TUFT1: variants seen among roughly 807,000 people sequenced by gnomAD.
The protein encoded by TUFT1 is tuftelin 1, also known as tuftelin.
Under a neutral mutation model 57.8 loss-of-function variants are expected in TUFT1, and 43 were observed. The ratio of observed to expected loss-of-function variants is 0.74; its 90% CI spans 0.58 to 0.96. The LOEUF (loss-of-function observed/expected upper bound fraction) is 0.96. Among genes scored for constraint, TUFT1 ranks in the 40% least tolerant of loss-of-function variants. The pLI is 0.00. For synonymous variants in TUFT1, 166 were observed against 176.7 expected (o/e 0.94, Z 0.48); for missense variants, 459 against 489.0 (o/e 0.94, Z 0.58).
chr1:151,563,114 G>A (rs952720954), intron 3 of TUFT1, among the ~76,000 whole-genome samples: 1 of 152,030 alleles, frequency 6.6e-6, no homozygotes, highest in African/African-American at 2.4e-5. Flanking sequence ...CCAAATCCTG[G>A]GCTCGAGCAA....
intron 7 of TUFT1, 35 bp downstream of exon 7, chr1:151,569,805 G>A (rs573053438): frequency 1.9e-5 from 30 of 1,541,234 alleles, no homozygotes; most frequent in Non-Finnish European, 1.4e-5. Context: ...GGTGCCCTAA[G>A]GGATGGGCTA....
At chr1:151,557,364 T>G (rs1191010487) in intron 1 of TUFT1, 6 of 628,688 alleles carry the variant, frequency 9.5e-6, no homozygotes, top group Non-Finnish European at 1.7e-5. Context: ...ATTGTTATAC[T>G]TTTTGCTTTA....
In TUFT1 at chr1:151,562,120, C is replaced by T. The variant is rs759307731; in HGVS notation, c.90C>T (p.Leu30=). 3.1e-6 allele frequency: 5 copies of T among 1,614,176 alleles called. No homozygotes were observed. Among genetic ancestry groups the T allele is most frequent in the Admixed American group, 1.7e-5 (1 of 60,028 alleles). ...AGSVDILRLT[L]QGELTGDELE... ...GCGTGGACATTCTCAGGCTGACTCT[C>T]CAGGGTGAACTGACAGGAGATGAAC... Residue 30 remains leucine (L), a synonymous_variant, in exon 2 of 13, where the codon CTC becomes CTT. Coordinates refer to ENST00000368849, the MANE Select transcript of TUFT1 (RefSeq NM_020127.3).
intron 8 of TUFT1, 97 bp downstream of exon 8, chr1:151,574,495 C>G: frequency 6.6e-7 from 1 of 1,516,948 alleles, no homozygotes; most frequent in Middle Eastern, 2.4e-4. Context: ...CTTTTCCAAG[C>G]CTCTCCAGAA....
At chr1:151,581,132 A>T in intron 12 of TUFT1, 90 bp downstream of exon 12, 1 of 1,224,668 alleles carries the variant, frequency 8.2e-7, no homozygotes, top group South Asian at 1.3e-5. Flanking sequence ...TAAGGCAAGA[A>T]CAAGGCTCCT....
At chr1:151,548,327 G>T (rs537450686) in intron 1 of TUFT1, among the ~76,000 whole-genome samples, 2 of 130,110 alleles carry the variant, frequency 1.5e-5, no homozygotes, top group Non-Finnish European at 1.6e-5. Flanking sequence ...TTTTTGAGAC[G>T]GAGTCTTGCT....
chr1:151,551,930 A>G, intron 1 of TUFT1, among the ~76,000 whole-genome samples: 1 of 152,232 alleles, frequency 6.6e-6, no homozygotes. Context: ...AACTAGACAC[A>G]TTCCTGTGAG....
intron 9 of TUFT1, 102 bp downstream of exon 9, chr1:151,575,107 C>G (rs1343668419): frequency 9.6e-7 from 1 of 1,044,888 alleles, no homozygotes; most frequent in African/African-American, 1.6e-5. Context: ...GGGGAGGAAG[C>G]TGGTGCTGAT....
Position 151,582,191 on chromosome 1 carries a change from A to C in TUFT1, c.*484A>C. The C allele has an allele frequency of 2.2e-6, 1 of 456,828 alleles. No homozygotes were observed. Among genetic ancestry groups the C allele is most frequent in the Middle Eastern group, 3.3e-4 (1 of 3,068 alleles). 28.3% of individuals were successfully genotyped at this position (456,828 alleles called of 1,614,324 possible). ...TTAGCAACAAACTGTTTGTTTTTCTACTTGCTCCATCTGCAGCCTACGCTG... is the reference window on the plus strand; with the variant it reads ...TTAGCAACAAACTGTTTGTTTTTCTCCTTGCTCCATCTGCAGCCTACGCTG... On this transcript the variant is annotated 3_prime_UTR_variant, in exon 13 of 13. Transcript: ENST00000368849.
intron 1 of TUFT1, chr1:151,557,937 G>T: frequency 3.2e-6 from 2 of 631,888 alleles, no homozygotes; most frequent in Non-Finnish European, 6.0e-6. Context: ...AGCCACCTCA[G>T]TAAAATTGGA....
intron 11 of TUFT1, 118 bp downstream of exon 11, chr1:151,579,850 T>C: frequency 1.0e-6 from 1 of 986,238 alleles, no homozygotes; most frequent in Non-Finnish European, 1.5e-6. Flanking sequence ...CTGAAGTGAA[T>C]ACCTAGGGTG....
At chr1:151,572,425 A>G (rs1214889305) in intron 7 of TUFT1, among the ~76,000 whole-genome samples, 1 of 152,062 alleles carries the variant, frequency 6.6e-6, no homozygotes, top group East Asian at 1.9e-4. Context: ...GGCCTTATTA[A>G]CACTGTGCTT....
rs921918437 is a variant in TUFT1 at position 151,582,938 on chromosome 1, G to GT, written c.*1244dup. The GT allele has an allele frequency of 4.9e-3, 694 of 142,554 alleles. 5 individuals carry two copies. Among genetic ancestry groups the GT allele is most frequent in the East Asian group, 8.3e-3 (41 of 4,918 alleles). The allele number at this position is 142,554 out of a possible 1,614,324, so 8.8% of individuals were successfully genotyped here. ...GTCATCATGGTTTTCTTTTTTTATT[G>GT]TTTTTTTTTTTTTCTGAGACAGAGT... On this transcript the variant is annotated 3_prime_UTR_variant, in exon 13 of 13. Coordinates refer to ENST00000368849, the MANE Select transcript of TUFT1 (RefSeq NM_020127.3).
At chr1:151,561,720 G>A in intron 1 of TUFT1, 10 of 1,302,944 alleles carry the variant, frequency 7.7e-6, no homozygotes, top group Non-Finnish European at 1.0e-5. Flanking sequence ...GTTGTCAGGA[G>A]CAGAAATTCT....
chr1:151,563,238 T>A (rs1230234538), intron 3 of TUFT1, among the ~76,000 whole-genome samples: 1 of 151,662 alleles, frequency 6.6e-6, no homozygotes, highest in East Asian at 1.9e-4. Context: ...CTCTCTCTCT[T>A]TTTTTTTATA....
chr1:151,555,381 T>C (rs1665657969), intron 1 of TUFT1, among the ~76,000 whole-genome samples: 1 of 151,452 alleles, frequency 6.6e-6, no homozygotes, highest in South Asian at 2.1e-4. Context: ...TAGTGGCTGT[T>C]TCTGGGTGGC....
At chr1:151,569,623 G>T (rs3748610) in intron 6 of TUFT1, 34 bp from the exon 7 acceptor site, 1,030,391 of 1,583,232 alleles carry the variant, frequency 0.65, 340,552 homozygotes, top group Middle Eastern at 0.74. Flanking sequence ...AGAAACTTGA[G>T]GGCTTCCCCT....
chr1:151,574,250 A>T lies in TUFT1; in HGVS notation c.595-20A>T. The stretch of plus-strand genomic sequence containing the variant: ...CTCTTTTTTCCACACCATTTAACAT[A>T]TTCCTGCTCCGTGTTTTAGGTCACA... On this transcript the variant is annotated intron_variant, in intron 7 of 12. Transcript: ENST00000368849. 1 of 1,607,346 alleles carries T rather than the reference A, an allele frequency of 6.2e-7. No homozygotes were observed. The highest frequency in any genetic ancestry group is 1.1e-5 in the South Asian group (1 of 89,816).
chr1:151,580,324 C>T (rs1166946244), intron 11 of TUFT1, among the ~76,000 whole-genome samples: 1 of 151,944 alleles, frequency 6.6e-6, no homozygotes, highest in East Asian at 1.9e-4. Context: ...TATAGAATAG[C>T]GTATCAACAA....
Sources: gnomAD v4.1 joint callset for allele counts (sites outside exome capture counted in the v4.1 genomes callset) on GRCh38, gnomAD v4.1.1 for gene constraint, MANE v1.5 for transcripts, NCBI Gene and HGNC (gene_info 2026-07-23, HGNC 2026-07-21) for gene names.